The following AK9 variants were observed in gnomAD, a reference collection of about 807,000 sequenced individuals.
The protein encoded by AK9 is adenylate kinase 9.
In AK9, 191 loss-of-function variants were observed where a neutral mutation model predicts 239.6. The ratio of observed to expected loss-of-function variants is 0.80; its 90% CI spans 0.71 to 0.90. The LOEUF (loss-of-function observed/expected upper bound fraction) is 0.90. Ranked by LOEUF, AK9 falls within the 40% of genes least tolerant of loss-of-function variation. AK9 has a pLI of 0.00. For synonymous variants in AK9, 689 were observed against 721.0 expected, an observed-to-expected ratio of 0.96 and a Z score of 0.71; for missense variants, 1,995 against 2,214.7, an observed-to-expected ratio of 0.90 and a Z score of 1.99.
intron 40 of AK9, 110 bp downstream of exon 40, chr6:109,493,871 C>A: frequency 1.2e-6 from 1 of 808,784 alleles, no homozygotes; most frequent in Non-Finnish European, 2.0e-6. Context: ...CTAACACTCT[C>A]TCTTTCTCTC....
chr6:109,600,991 C>A (rs1003542565), intron 17 of AK9, among the ~76,000 whole-genome samples: 15 of 152,048 alleles, frequency 9.9e-5, no homozygotes, highest in African/African-American at 3.6e-4. Flanking sequence ...GTCTTGCTAG[C>A]AGTCTATCAA....
At chr6:109,519,104 C>T (rs1779565115) in intron 29 of AK9, among the ~76,000 whole-genome samples, 1 of 152,130 alleles carries the variant, frequency 6.6e-6, no homozygotes, top group Admixed American at 6.5e-5. Flanking sequence ...AGGATAATGG[C>T]TTCCAGCTGC....
At chr6:109,684,930 A>G (rs1157657860) in intron 1 of AK9, among the ~76,000 whole-genome samples, 1 of 148,728 alleles carries the variant, frequency 6.7e-6, no homozygotes, top group Non-Finnish European at 1.5e-5. Flanking sequence ...AAGGATATGA[A>G]CAGACACTTC....
intron 17 of AK9, among the ~76,000 whole-genome samples, chr6:109,598,362 T>G (rs1008552309): frequency 4.6e-5 from 7 of 152,122 alleles, no homozygotes; most frequent in Non-Finnish European, 1.0e-4. Context: ...CTAAGAATGA[T>G]GGTTTCCAGC....
chr6:109,583,374 C>A (rs1789099175), intron 19 of AK9, among the ~76,000 whole-genome samples: 1 of 152,152 alleles, frequency 6.6e-6, no homozygotes, highest in African/African-American at 2.4e-5. Context: ...TATTTGGAAA[C>A]TGATGCTGGA....
At chr6:109,678,476 A>C (rs1772086162) in intron 1 of AK9, among the ~76,000 whole-genome samples, 1 of 152,222 alleles carries the variant, frequency 6.6e-6, no homozygotes, top group Admixed American at 6.5e-5. Flanking sequence ...AACGTTCTCT[A>C]TCTTGACTGT....
At chr6:109,538,873 T>G (rs1782422704) in intron 27 of AK9, among the ~76,000 whole-genome samples, 2 of 152,192 alleles carry the variant, frequency 1.3e-5, no homozygotes, top group Admixed American at 6.5e-5. Context: ...AAGCTTAGTT[T>G]GGCTGGATAT....
chr6:109,636,869 G>A (rs1025112618), intron 10 of AK9, among the ~76,000 whole-genome samples: 1 of 151,690 alleles, frequency 6.6e-6, no homozygotes, highest in African/African-American at 2.4e-5. Flanking sequence ...AAATATTGGT[G>A]TACAAGTATC....
At chr6:109,603,833 C>T (rs1234097680) in intron 17 of AK9, among the ~76,000 whole-genome samples, 1 of 152,182 alleles carries the variant, frequency 6.6e-6, no homozygotes, top group Non-Finnish European at 1.5e-5. Context: ...GCTGTGCTAG[C>T]AATGAGTGAG....
intron 24 of AK9, among the ~76,000 whole-genome samples, chr6:109,559,433 C>T (rs912174210): frequency 6.6e-6 from 1 of 152,218 alleles, no homozygotes; most frequent in Non-Finnish European, 1.5e-5. Context: ...TCCCAAAGTG[C>T]TGGGATTACA....
At chr6:109,682,987 C>T (rs929891387) in intron 1 of AK9, among the ~76,000 whole-genome samples, 1 of 152,156 alleles carries the variant, frequency 6.6e-6, no homozygotes, top group Non-Finnish European at 1.5e-5. Context: ...AACATCAATG[C>T]AAAAATCCTC....
chr6:109,605,653 G>A lies in AK9; in HGVS notation c.1842+4712C>T, dbSNP rs1583224031. ...TGATGGGCATCTCCCATGCCTTCAG[G>A]AAAAGAGGTGGCTTGAAAGGAGAGG... On this transcript the variant is annotated intron_variant, in intron 17 of 40. Coordinates refer to ENST00000424296, the MANE Select transcript of AK9 (RefSeq NM_001145128.3). 3.9e-5 allele frequency among the ~76,000 whole-genome samples: 6 copies of A among 152,250 alleles called. No individual in the cohort carries two copies. In the South Asian group the frequency reaches 1.2e-3, roughly 32 times the overall value.
intron 12 of AK9, among the ~76,000 whole-genome samples, chr6:109,623,623 A>G (rs1795127553): frequency 6.6e-6 from 1 of 152,164 alleles, no homozygotes. Context: ...CAGAGAGACT[A>G]TGCAAGATCA....
chr6:109,557,619 A>T lies in AK9; in HGVS notation c.2751+5978T>A, dbSNP rs1362754714. ...AGGCTAAGTCTGCTGGTTTGCAGAG[A>T]CTGCAGTCACCCCTCCTCCTATGTT... On this transcript the variant is annotated intron_variant, in intron 24 of 40. Transcript: ENST00000424296. Among the ~76,000 whole-genome samples the T allele has an allele frequency of 5.3e-5, 8 of 152,178 alleles. No individual in the cohort carries two copies. In the East Asian group the frequency reaches 1.5e-3, roughly 29 times the overall value.
In AK9 at chr6:109,498,082, C is replaced by T. The variant is rs1486145602; in HGVS notation, c.5047-117G>A. ...TTTTCAGTAGCAGCGTTCTGCTGCTCCTCAAACTGTAAATAACCTCTCCTC... is the reference window on the plus strand; with the variant it reads ...TTTTCAGTAGCAGCGTTCTGCTGCTTCTCAAACTGTAAATAACCTCTCCTC... On this transcript the variant is annotated intron_variant, in intron 36 of 40. Coordinates refer to ENST00000424296, the MANE Select transcript of AK9 (RefSeq NM_001145128.3). 4.3e-6 allele frequency: 4 copies of T among 921,306 alleles called. No individual in the cohort carries two copies. In the African/African-American group the frequency reaches 6.7e-5, roughly 15 times the overall value. The allele number at this position is 921,306 out of a possible 1,614,324, so 57.1% of individuals were successfully genotyped here.
At chr6:109,677,276 AT>A in intron 1 of AK9, among the ~76,000 whole-genome samples, 1 of 152,254 alleles carries the variant, frequency 6.6e-6, no homozygotes, top group East Asian at 1.9e-4. Context: ...TAGCAAAAAT[AT>A]TTTTTAAAAA....
intron 35 of AK9, among the ~76,000 whole-genome samples, chr6:109,503,898 C>T (rs988681292): frequency 6.6e-6 from 1 of 152,218 alleles, no homozygotes; most frequent in African/African-American, 2.4e-5. Context: ...ACCCTCCCCC[C>T]ACTTTGGGGA....
At chr6:109,587,878 T>A (rs921860893) in intron 17 of AK9, among the ~76,000 whole-genome samples, 6 of 152,224 alleles carry the variant, frequency 3.9e-5, no homozygotes, top group African/African-American at 1.4e-4. Flanking sequence ...ACCATTTTCA[T>A]AAAGGTGTAC....
intron 1 of AK9, among the ~76,000 whole-genome samples, chr6:109,685,477 G>T (rs1352311186): frequency 6.6e-6 from 1 of 151,506 alleles, no homozygotes; most frequent in East Asian, 1.9e-4. Context: ...ACTATCACAA[G>T]AACAGAAAAC....
Sources: gnomAD v4.1 joint callset for allele counts (sites outside exome capture counted in the v4.1 genomes callset) on GRCh38, gnomAD v4.1.1 for gene constraint, MANE v1.5 for transcripts, NCBI Gene and HGNC (gene_info 2026-07-23, HGNC 2026-07-21) for gene names.